SOBP: variants seen among roughly 807,000 people sequenced by gnomAD.
SOBP encodes the protein sine oculis binding protein homolog.
A neutral mutation model predicts 53.6 loss-of-function variants in SOBP; 4 were observed. That is an observed-to-expected ratio of 0.07 (90% confidence interval 0.04 to 0.17). The LOEUF (loss-of-function observed/expected upper bound fraction) is 0.17, where lower values mean the gene tolerates loss of function less well. SOBP is among the 10% of genes least tolerant of loss of function. SOBP has a pLI of 1.00. For missense variants in SOBP, 1,088 were observed against 1,204.7 expected, an observed-to-expected ratio of 0.90 and a Z score of 1.43; for synonymous variants, 584 against 522.6, an observed-to-expected ratio of 1.12 and a Z score of -1.60.
At chr6:107,506,452 T>G (rs1255026522) in intron 3 of SOBP, 25 bp downstream of exon 3, 5 of 1,611,938 alleles carry the variant, frequency 3.1e-6, no homozygotes, top group Non-Finnish European at 4.2e-6. Flanking sequence ...GTGTTTTCAG[T>G]GATAACAATT....
chr6:107,659,736 G>A lies in SOBP; in HGVS notation c.*1533G>A, dbSNP rs575697589. 3.6e-4 allele frequency: 55 copies of A among 152,698 alleles called. No individual in the cohort carries two copies. The highest frequency in any genetic ancestry group is 6.0e-4 in the Non-Finnish European group (41 of 68,078). The allele number at this position is 152,698 out of a possible 1,614,324, so 9.5% of individuals were successfully genotyped here. A position where few individuals can be genotyped will look rare whatever the true frequency, so the allele number is the denominator to read the frequency against. On this transcript the variant is annotated 3_prime_UTR_variant, in exon 7 of 7. Transcript: ENST00000317357. ...AAGCACCACGGCCCAAGGATGCGGT[G>A]TACATACTGTATTTCTAGATTCTCC...
intron 4 of SOBP, among the ~76,000 whole-genome samples, chr6:107,535,221 A>T (rs1255553390): frequency 6.6e-6 from 1 of 152,218 alleles, no homozygotes; most frequent in Non-Finnish European, 1.5e-5. Flanking sequence ...AAGACACCTG[A>T]TTCCATTTGG....
intron 4 of SOBP, among the ~76,000 whole-genome samples, chr6:107,552,135 G>A (rs992056642): frequency 9.2e-5 from 14 of 152,270 alleles, no homozygotes; most frequent in Admixed American, 2.0e-4. Context: ...TAGGTTGGGG[G>A]CCTTCAATTT....
chr6:107,591,035 G>A (rs925084023), intron 5 of SOBP, among the ~76,000 whole-genome samples: 10 of 152,148 alleles, frequency 6.6e-5, no homozygotes, highest in South Asian at 2.1e-4. Flanking sequence ...TATCATAGTC[G>A]TCAAAAATGT....
intron 1 of SOBP, among the ~76,000 whole-genome samples, chr6:107,494,314 C>T (rs1782648209): frequency 6.6e-6 from 1 of 152,168 alleles, no homozygotes; most frequent in Non-Finnish European, 1.5e-5. Context: ...CAAGGGAATT[C>T]TGACATATGG....
In SOBP at chr6:107,635,824, G is replaced by A. The variant is rs560213268; in HGVS notation, c.*3+355G>A. Reference sequence around the variant, plus strand: ...TAAATCACCCTATTGGAGAAGAGGAGGATGGGGGGAGGGAGAAGAGATTAA... The same window carrying A: ...TAAATCACCCTATTGGAGAAGAGGAAGATGGGGGGAGGGAGAAGAGATTAA... On this transcript the variant is annotated intron_variant, in intron 6 of 6. Coordinates refer to ENST00000317357, the MANE Select transcript of SOBP (RefSeq NM_018013.4). The surrounding 1 kb of genome is among the most constrained non-coding windows in gnomAD (Gnocchi z 4.5). Among the ~76,000 whole-genome samples the A allele has an allele frequency of 6.6e-6, 1 of 152,324 alleles. No homozygotes were observed. The highest frequency in any genetic ancestry group is 1.9e-4 in the East Asian group (1 of 5,178).
chr6:107,643,129 T>C (rs924168994), intron 6 of SOBP, among the ~76,000 whole-genome samples: 3 of 152,330 alleles, frequency 2.0e-5, no homozygotes, highest in African/African-American at 7.2e-5. Flanking sequence ...TATTTCATCC[T>C]TCAACTCTTG....
At chr6:107,497,966 A>G (rs1209485143) in intron 1 of SOBP, among the ~76,000 whole-genome samples, 1 of 152,230 alleles carries the variant, frequency 6.6e-6, no homozygotes, top group Non-Finnish European at 1.5e-5. Flanking sequence ...AATTCCCAAT[A>G]GCATGAGGGT....
intron 1 of SOBP, among the ~76,000 whole-genome samples, chr6:107,494,399 G>A (rs180857915): frequency 6.6e-6 from 1 of 152,330 alleles, no homozygotes; most frequent in East Asian, 1.9e-4. Flanking sequence ...ACTAGTGGAT[G>A]TGTAAGCGTA....
chr6:107,602,678 G>A (rs2115086497), intron 5 of SOBP, among the ~76,000 whole-genome samples: 1 of 152,072 alleles, frequency 6.6e-6, no homozygotes, highest in Non-Finnish European at 1.5e-5. Context: ...TAAAGGCTCA[G>A]GTTATGTGAA....
intron 4 of SOBP, among the ~76,000 whole-genome samples, chr6:107,544,806 A>AATTC (rs66633887): frequency 8.1e-4 from 122 of 151,280 alleles, no homozygotes; most frequent in Non-Finnish European, 1.3e-3. Flanking sequence ...TTTGTTTGCA[A>AATTC]ATTCATTCAT....
rs568676572 is a variant in SOBP, at chr6:107,545,418, G to A, written c.573+11808G>A. The stretch of plus-strand genomic sequence containing the variant: ...AAGAGAACAGCATGTTTGCTGGCAC[G>A]GCAACAGAGGGTGATTCTTGTGGTG... On this transcript the variant is annotated intron_variant, in intron 4 of 6. Transcript: ENST00000317357. 6.6e-5 allele frequency among the ~76,000 whole-genome samples: 10 copies of A among 152,262 alleles called. No individual in the cohort carries two copies. In the East Asian group the frequency reaches 7.7e-4, roughly 12 times the overall value.
chr6:107,529,906 A>C (rs1395851478), intron 3 of SOBP, among the ~76,000 whole-genome samples: 1 of 152,182 alleles, frequency 6.6e-6, no homozygotes, highest in Non-Finnish European at 1.5e-5. Context: ...ATTCGGTACA[A>C]ATTTTTCATG....
intron 5 of SOBP, among the ~76,000 whole-genome samples, chr6:107,596,827 TCAC>T (rs758522000): frequency 3.3e-5 from 5 of 151,960 alleles, no homozygotes; most frequent in Admixed American, 2.0e-4. Context: ...CCCTTATCCA[TCAC>T]CACCACCACC....
At chr6:107,576,737 G>A (rs1156303899) in intron 4 of SOBP, among the ~76,000 whole-genome samples, 1 of 152,206 alleles carries the variant, frequency 6.6e-6, no homozygotes, top group Non-Finnish European at 1.5e-5. Flanking sequence ...TTTGCTGGTT[G>A]GTGGGCACCT....
chr6:107,575,981 A>G (rs146219537), intron 4 of SOBP, among the ~76,000 whole-genome samples: 2 of 152,304 alleles, frequency 1.3e-5, no homozygotes, highest in African/African-American at 4.8e-5. Context: ...GTTGGAGCAG[A>G]GGTCATTATT....
intron 4 of SOBP, among the ~76,000 whole-genome samples, chr6:107,567,761 C>T (rs1784959189): frequency 6.6e-6 from 1 of 152,156 alleles, no homozygotes; most frequent in Admixed American, 6.5e-5. Flanking sequence ...ATTTCTTGAT[C>T]CAATAAGGAC....
rs116588382 is a variant in SOBP, at chr6:107,551,133, T to C, written c.573+17523T>C. Among the ~76,000 whole-genome samples the C allele has an allele frequency of 5.6e-3, 848 of 152,274 alleles. 2 individuals are homozygous for C. The highest frequency in any genetic ancestry group is 0.019 in the African/African-American group (805 of 41,542). The stretch of plus-strand genomic sequence containing the variant: ...CCTCCTCCTACGGCCGAGAAAACTG[T>C]GGCCCTGAGAAGTTAAGTGACTTGC... On this transcript the variant is annotated intron_variant, in intron 4 of 6. Coordinates refer to ENST00000317357, the MANE Select transcript of SOBP (RefSeq NM_018013.4).
rs1236545053 is a variant in SOBP at position 107,658,497 on chromosome 6, A to AG, written c.*294_*295insG. On this transcript the variant is annotated 3_prime_UTR_variant, in exon 7 of 7. Coordinates refer to ENST00000317357, the MANE Select transcript of SOBP (RefSeq NM_018013.4). ...GATTTCACCCCTGGCTTTTAAAAAA[A>AG]ACGAAATACCGACAAGCCACAAGGA... 6.6e-6 allele frequency: 1 copy of AG among 152,650 alleles called. No individual in the cohort carries two copies. The highest frequency in any genetic ancestry group is 6.5e-5 in the Admixed American group (1 of 15,284). The allele number at this position is 152,650 out of a possible 1,614,324, so 9.5% of individuals were successfully genotyped here.
Sources: allele counts gnomAD v4.1 joint callset (sites outside exome capture counted in the v4.1 genomes callset), GRCh38; gene constraint gnomAD v4.1.1; non-coding constraint Gnocchi (gnomAD v3.1); transcripts MANE v1.5; gene names NCBI Gene and HGNC (gene_info 2026-07-23, HGNC 2026-07-21).